CAMK1D: variants seen among roughly 807,000 people sequenced by gnomAD.
CAMK1D encodes the protein calcium/calmodulin dependent protein kinase ID.
CAMK1D carries 9 observed loss-of-function variants against 47.7 expected under a neutral mutation model. The ratio of observed to expected loss-of-function variants is 0.19; its 90% CI spans 0.11 to 0.33. The LOEUF (loss-of-function observed/expected upper bound fraction) is 0.33. Among genes scored for constraint, CAMK1D ranks in the 10% least tolerant of loss-of-function variants. CAMK1D has a pLI of 1.00. For missense variants in CAMK1D, 291 were observed against 488.7 expected, an observed-to-expected ratio of 0.60 and a Z score of 3.81; for synonymous variants, 184 against 184.9, an observed-to-expected ratio of 0.99 and a Z score of 0.04.
In CAMK1D at chr10:12,464,458, C is replaced by T. The variant is rs565294224; in HGVS notation, c.93-88767C>T. Among the ~76,000 whole-genome samples the T allele has an allele frequency of 3.1e-4, 47 of 152,264 alleles. No individual in the cohort carries two copies. The South Asian group carries it at 9.7e-3, about 32-fold the overall frequency. ...TTGATCGTGTGGCTTTACCTACCCT[C>T]CCCCACCACGTGTACTGTAATTTGA... is the stretch of plus-strand genomic sequence containing the variant. On this transcript the variant is annotated intron_variant, in intron 1 of 10. Transcript: ENST00000619168.
chr10:12,768,360 C>G (rs1588904091), intron 4 of CAMK1D, among the ~76,000 whole-genome samples: 1 of 152,260 alleles, frequency 6.6e-6, no homozygotes, highest in East Asian at 1.9e-4. Flanking sequence ...ATTTATTTTC[C>G]TTTCACACTC....
At chr10:12,598,819 G>C (rs1838219878) in intron 2 of CAMK1D, among the ~76,000 whole-genome samples, 1 of 152,192 alleles carries the variant, frequency 6.6e-6, no homozygotes, top group Admixed American at 6.5e-5. Flanking sequence ...CAAATAACAT[G>C]CTACTGGCTC....
At chr10:12,776,843 T>C (rs1837269640) in intron 5 of CAMK1D, among the ~76,000 whole-genome samples, 1 of 152,236 alleles carries the variant, frequency 6.6e-6, no homozygotes, top group South Asian at 2.1e-4. Context: ...CGACACCAAA[T>C]AGAGGGTGAG....
At chr10:12,683,463 G>T (rs1165465520) in intron 3 of CAMK1D, among the ~76,000 whole-genome samples, 1 of 152,002 alleles carries the variant, frequency 6.6e-6, no homozygotes, top group African/African-American at 2.4e-5. Flanking sequence ...TAGATATATG[G>T]TGCTAACTTC....
chr10:12,351,947 G>A (rs1321973271), intron 1 of CAMK1D, among the ~76,000 whole-genome samples: 2 of 152,158 alleles, frequency 1.3e-5, no homozygotes, highest in Admixed American at 1.3e-4. Flanking sequence ...TGATCAAGAT[G>A]TTTTTACTCC....
chr10:12,551,994 G>A (rs181178573), intron 1 of CAMK1D, among the ~76,000 whole-genome samples: 3 of 152,326 alleles, frequency 2.0e-5, no homozygotes, highest in East Asian at 1.9e-4. Flanking sequence ...CACAGAGAAC[G>A]ACTCAGTGGG....
At chr10:12,584,306 A>G (rs187637740) in intron 2 of CAMK1D, among the ~76,000 whole-genome samples, 1 of 152,370 alleles carries the variant, frequency 6.6e-6, no homozygotes. Flanking sequence ...CACTAAAGCC[A>G]TTGAGGTCAT....
intron 2 of CAMK1D, among the ~76,000 whole-genome samples, chr10:12,648,627 T>C (rs528234798): frequency 1.3e-5 from 2 of 152,044 alleles, no homozygotes; most frequent in Admixed American, 1.3e-4. Context: ...TGCGCCACCA[T>C]GCCTGGCTAA....
At chr10:12,396,667 A>G (rs955093489) in intron 1 of CAMK1D, among the ~76,000 whole-genome samples, 1 of 152,220 alleles carries the variant, frequency 6.6e-6, no homozygotes, top group Non-Finnish European at 1.5e-5. Flanking sequence ...AGCACTTACA[A>G]TCTTCTTTGA....
intron 2 of CAMK1D, among the ~76,000 whole-genome samples, chr10:12,565,105 G>C (rs1330453526): frequency 6.6e-6 from 1 of 152,152 alleles, no homozygotes; most frequent in Non-Finnish European, 1.5e-5. Context: ...CAGCTACTTG[G>C]GAGGCTGAGG....
intron 1 of CAMK1D, among the ~76,000 whole-genome samples, chr10:12,463,429 C>G (rs553920169): frequency 2.6e-5 from 4 of 152,136 alleles, no homozygotes; most frequent in Admixed American, 2.6e-4. Flanking sequence ...TGAGCCACTG[C>G]ACTTGGCCAG....
intron 1 of CAMK1D, among the ~76,000 whole-genome samples, chr10:12,523,984 CG>C (rs1835532787): frequency 6.6e-6 from 1 of 151,916 alleles, no homozygotes; most frequent in African/African-American, 2.4e-5. Context: ...CTCTGCTTCC[CG>C]GGTTCACACC....
intron 3 of CAMK1D, among the ~76,000 whole-genome samples, chr10:12,719,135 C>A (rs1285282334): frequency 2.0e-5 from 3 of 152,140 alleles, no homozygotes; most frequent in Non-Finnish European, 4.4e-5. Context: ...AGGCCGGGCA[C>A]AGTGCTCACA....
chr10:12,604,435 T>G (rs893946037), intron 2 of CAMK1D, among the ~76,000 whole-genome samples: 1 of 152,172 alleles, frequency 6.6e-6, no homozygotes, highest in Non-Finnish European at 1.5e-5. Flanking sequence ...TTAGCAGAAG[T>G]GTTTGGCCGT....
At chr10:12,559,474 G>C (rs12773063) in intron 2 of CAMK1D, among the ~76,000 whole-genome samples, 71,420 of 151,842 alleles carry the variant, frequency 0.47, 18,076 homozygotes, top group Non-Finnish European at 0.58. Flanking sequence ...GCCCTTGTCC[G>C]CTGATTTCAC....
rs542645932 is a variant in CAMK1D at position 12,785,602 on chromosome 10, G to T, written c.566-5556G>T. Among the ~76,000 whole-genome samples the T allele has an allele frequency of 4.3e-4, 66 of 152,302 alleles. 1 individual carries two copies. In the South Asian group the frequency reaches 0.013, roughly 30 times the overall value. The stretch of plus-strand genomic sequence containing the variant: ...CACTTTCCGAGGCCCCGGAGGGACT[G>T]TGCTGGGCACCTCCTGGGTCTGGAA... On this transcript the variant is annotated intron_variant, in intron 5 of 10. Transcript: ENST00000619168.
chr10:12,370,942 A>C (rs1023972388), intron 1 of CAMK1D, among the ~76,000 whole-genome samples: 1 of 152,180 alleles, frequency 6.6e-6, no homozygotes, highest in African/African-American at 2.4e-5. Flanking sequence ...TAAAAAGTTA[A>C]AAGAATAGGA....
chr10:12,415,364 C>T (rs1839807362), intron 1 of CAMK1D, among the ~76,000 whole-genome samples: 1 of 151,830 alleles, frequency 6.6e-6, no homozygotes, highest in East Asian at 1.9e-4. Flanking sequence ...TCTTGGCTCA[C>T]TGCAACCTCC....
At chr10:12,541,168 C>T (rs979302074) in intron 1 of CAMK1D, among the ~76,000 whole-genome samples, 8 of 152,110 alleles carry the variant, frequency 5.3e-5, no homozygotes, top group African/African-American at 1.9e-4. Context: ...TTGGGCCTGG[C>T]TTTTCTTCGG....
Sources: gnomAD v4.1 joint callset for allele counts (sites outside exome capture counted in the v4.1 genomes callset) on GRCh38, gnomAD v4.1.1 for gene constraint, MANE v1.5 for transcripts, NCBI Gene and HGNC (gene_info 2026-07-23, HGNC 2026-07-21) for gene names.